ZNRF1: variants seen among roughly 807,000 people sequenced by gnomAD.
The protein encoded by ZNRF1 is zinc and ring finger 1.
In ZNRF1, 3 loss-of-function variants were observed where a neutral mutation model predicts 18.4. The ratio of observed to expected loss-of-function variants is 0.16; its 90% confidence interval spans 0.07 to 0.42. The LOEUF is 0.42. Ranked by LOEUF, ZNRF1 falls within the 10% of genes least tolerant of loss-of-function variation. ZNRF1 has a pLI of 0.99. For synonymous variants in ZNRF1, 157 were observed against 144.2 expected (o/e 1.09, Z -0.64); for missense variants, 310 against 329.8 (o/e 0.94, Z 0.47).
rs145915331 is a variant in ZNRF1, at chr16:75,000,046, G to T, written c.375G>T (p.Ala125=). 6.2e-7 allele frequency: 1 copy of T among 1,600,132 alleles called. No homozygotes were observed. Among genetic ancestry groups the T allele is most frequent in the Non-Finnish European group, 8.5e-7 (1 of 1,174,626 alleles). The change falls in exon 1 of 5, where the codon GCG becomes GCT. Residue 125 remains alanine, a synonymous_variant. Transcript: ENST00000335325. ...ACCTGGGCTCCCGAGCCTCGCTGGC[G>T]GATGCTCTACCTCTGCACATCGCAC... The part of the protein sequence containing the change: ...MLYLGSRASL[A]DALPLHIAPR...
intron 1 of ZNRF1, among the ~76,000 whole-genome samples, chr16:75,024,832 T>C (rs1307056128): frequency 6.6e-6 from 1 of 152,202 alleles, no homozygotes; most frequent in African/African-American, 2.4e-5. Context: ...GTCACAAAAA[T>C]AATCAGAATA....
At chr16:75,066,008 A>G (rs193201723) in intron 1 of ZNRF1, among the ~76,000 whole-genome samples, 1 of 152,224 alleles carries the variant, frequency 6.6e-6, no homozygotes, top group African/African-American at 2.4e-5. Context: ...AGCACCTAGG[A>G]AGGGAAGGTA....
intron 4 of ZNRF1, chr16:75,106,931 G>A (rs961047434): frequency 3.4e-5 from 8 of 234,096 alleles, no homozygotes; most frequent in African/African-American, 1.3e-4. Flanking sequence ...CCTCATCCTC[G>A]CTCACCTCTG....
At chr16:75,056,002 G>A (rs2035663014) in intron 1 of ZNRF1, among the ~76,000 whole-genome samples, 1 of 152,174 alleles carries the variant, frequency 6.6e-6, no homozygotes, top group South Asian at 2.1e-4. Flanking sequence ...CAATTCCTTT[G>A]CTGAGCAGGC....
intron 1 of ZNRF1, among the ~76,000 whole-genome samples, chr16:75,068,089 C>T (rs1255595991): frequency 3.3e-5 from 5 of 149,540 alleles, no homozygotes; most frequent in Admixed American, 6.7e-5. Context: ...CATGGTGGCT[C>T]ATGCCTGTAA....
chr16:75,104,995 G>C, intron 3 of ZNRF1, 106 bp downstream of exon 3: 1 of 924,288 alleles, frequency 1.1e-6, no homozygotes, highest in South Asian at 1.6e-5. Flanking sequence ...CCTCTCCCCC[G>C]ACCTCTGGCT....
At chr16:75,014,894 T>C (rs867971738) in intron 1 of ZNRF1, among the ~76,000 whole-genome samples, 2 of 151,982 alleles carry the variant, frequency 1.3e-5, no homozygotes, top group African/African-American at 4.8e-5. Flanking sequence ...TGATAATATA[T>C]TTATCTATAA....
intron 2 of ZNRF1, among the ~76,000 whole-genome samples, chr16:75,098,460 G>A (rs537763747): frequency 6.6e-6 from 1 of 152,328 alleles, no homozygotes; most frequent in East Asian, 1.9e-4. Context: ...TGGATGGGCC[G>A]CTGCTGGTAG....
intron 1 of ZNRF1, among the ~76,000 whole-genome samples, chr16:75,071,678 G>C (rs184615556): frequency 1.9e-3 from 285 of 152,306 alleles, no homozygotes; most frequent in Admixed American, 3.1e-3. Flanking sequence ...TTGATGAAGG[G>C]TGGCAAGATT....
At chr16:75,059,229 C>CTTTTTTTTTTTTT (rs35291578) in intron 1 of ZNRF1, among the ~76,000 whole-genome samples, 20 of 92,876 alleles carry the variant, frequency 2.2e-4, no homozygotes, top group East Asian at 7.9e-4. Flanking sequence ...TTCTTTCTTT[C>CTTTTTTTTTTTTT]TTTTTTTTTT....
chr16:75,096,059 C>T (rs1221996084), intron 2 of ZNRF1, among the ~76,000 whole-genome samples: 3 of 61,832 alleles, frequency 4.9e-5, no homozygotes, highest in East Asian at 2.2e-3. Context: ...TGTATGTGTG[C>T]ACGTGTGTGT....
intron 1 of ZNRF1, among the ~76,000 whole-genome samples, chr16:75,003,076 C>G (rs1432219895): frequency 1.3e-5 from 2 of 152,218 alleles, no homozygotes; most frequent in East Asian, 3.8e-4. Flanking sequence ...GCCTCAGCCT[C>G]CCGAGTAGCT....
intron 1 of ZNRF1, among the ~76,000 whole-genome samples, chr16:75,069,489 C>G (rs895868137): frequency 2.0e-5 from 3 of 152,214 alleles, no homozygotes; most frequent in Non-Finnish European, 4.4e-5. Flanking sequence ...TCTCGGCTCA[C>G]TGCAACCTCC....
intron 2 of ZNRF1, among the ~76,000 whole-genome samples, chr16:75,099,076 TG>T (rs2036229195): frequency 6.6e-6 from 1 of 151,860 alleles, no homozygotes; most frequent in African/African-American, 2.4e-5. Context: ...GTGAGACGGG[TG>T]GTGTTTTCCA....
chr16:75,038,178 A>G (rs557514609), intron 1 of ZNRF1, among the ~76,000 whole-genome samples: 28 of 152,294 alleles, frequency 1.8e-4, no homozygotes, highest in African/African-American at 4.3e-4. Context: ...TCATAATTCT[A>G]TGACTTGGGA....
At chr16:75,045,734 T>G (rs1350295032) in intron 1 of ZNRF1, among the ~76,000 whole-genome samples, 194 of 151,036 alleles carry the variant, frequency 1.3e-3, no homozygotes, top group African/African-American at 4.5e-3. Flanking sequence ...TTTTTTTTTT[T>G]TCCAGAGACA....
chr16:75,099,050 G>T (rs1378819505), intron 2 of ZNRF1, among the ~76,000 whole-genome samples: 1 of 152,198 alleles, frequency 6.6e-6, no homozygotes, highest in Non-Finnish European at 1.5e-5. Context: ...CAGAAAGGGG[G>T]AGATGCAAAG....
chr16:75,038,345 C>A (rs563402175), intron 1 of ZNRF1, among the ~76,000 whole-genome samples: 1 of 152,168 alleles, frequency 6.6e-6, no homozygotes, highest in African/African-American at 2.4e-5. Flanking sequence ...TTCTCTCTCT[C>A]GCTGTGGCTG....
chr16:75,101,370 A>T (rs1021137701), intron 2 of ZNRF1, among the ~76,000 whole-genome samples: 1 of 152,200 alleles, frequency 6.6e-6, no homozygotes, highest in Non-Finnish European at 1.5e-5. Context: ...CCTGGCTAAC[A>T]TGATGAGACC....
Sources: gnomAD v4.1 joint callset for allele counts (sites outside exome capture counted in the v4.1 genomes callset) on GRCh38, gnomAD v4.1.1 for gene constraint, MANE v1.5 for transcripts, NCBI Gene and HGNC (gene_info 2026-07-23, HGNC 2026-07-21) for gene names.